The following EPAS1 variants were observed in gnomAD, a reference collection of about 807,000 sequenced individuals.
EPAS1 encodes endothelial PAS domain protein 1.
Under a neutral mutation model 87.9 loss-of-function variants are expected in EPAS1, and 23 were observed. The ratio of observed to expected loss-of-function variants is 0.26; its 90% CI spans 0.19 to 0.37. The LOEUF is 0.37. Among genes scored for constraint, EPAS1 ranks in the 10% least tolerant of loss-of-function variants. The probability of loss-of-function intolerance (pLI) is 1.00; values close to 1 mark genes in which losing one functional copy is unlikely to be tolerated. For synonymous variants in EPAS1, 508 were observed against 444.3 expected (o/e 1.14, Z -1.80); for missense variants, 1,138 against 1,120.7 (o/e 1.02, Z -0.22).
Position 46,375,380 on chromosome 2 carries a change from C to A in EPAS1, c.887-310C>A, listed in dbSNP as rs1235129344. Among the ~76,000 whole-genome samples the A allele has an allele frequency of 6.6e-6, 1 of 152,078 alleles. No homozygotes were observed. The highest frequency in any genetic ancestry group is 1.5e-5 in the Non-Finnish European group (1 of 68,012). On this transcript the variant is annotated intron_variant, in intron 7 of 15. Coordinates refer to ENST00000263734, the MANE Select transcript of EPAS1 (RefSeq NM_001430.5). The surrounding 1 kb of genome is among the most constrained non-coding windows in gnomAD (Gnocchi z 4.1). ...GCTTATAGCTGAGCTGGTCTGTGAGCCTGACTTGTCCAGGGATTGGTGATG... is the reference window on the plus strand; with the variant it reads ...GCTTATAGCTGAGCTGGTCTGTGAGACTGACTTGTCCAGGGATTGGTGATG...
At chr2:46,354,028 C>G (rs1684220179) in intron 2 of EPAS1, among the ~76,000 whole-genome samples, 1 of 152,232 alleles carries the variant, frequency 6.6e-6, no homozygotes, top group African/African-American at 2.4e-5. Context: ...TGAAAGATAG[C>G]TGGTCCCCTT....
At chr2:46,379,476 T>A (rs1164847901) in intron 11 of EPAS1, among the ~76,000 whole-genome samples, 1 of 152,188 alleles carries the variant, frequency 6.6e-6, no homozygotes, top group Non-Finnish European at 1.5e-5. Context: ...CCCTCCCTCC[T>A]CAGCACTCCT....
At chr2:46,340,749 A>T (rs1683895553) in intron 1 of EPAS1, among the ~76,000 whole-genome samples, 1 of 152,080 alleles carries the variant, frequency 6.6e-6, no homozygotes, top group African/African-American at 2.4e-5. Context: ...TTGCTTTGAG[A>T]TGGGTTCTCA....
chr2:46,376,732 G>C lies in EPAS1; in HGVS notation c.1228G>C (p.Ala410Pro), dbSNP rs539540390. ...CCAGCTGGCTCCCACCCCAGGAGACGCCATCATCTCTCTGGATTTCGGTGG... is the reference window on the plus strand; with the variant it reads ...CCAGCTGGCTCCCACCCCAGGAGACCCCATCATCTCTCTGGATTTCGGTGG... ...LAQLAPTPGD[A>P]IISLDFGNQN... Residue 410 changes from alanine (A) to proline (P), a missense_variant, in exon 9 of 16, where the codon GCC becomes CCC. By Grantham distance (27) the Ala-to-Pro change is conservative. Around this residue, in one of 4 missense-constraint regions of EPAS1, gnomAD observed 284 missense variants for 258.4 expected, o/e 1.10. Transcript: ENST00000263734. The C allele has an allele frequency of 1.2e-6, 2 of 1,612,590 alleles. No homozygotes were observed. The highest frequency in any genetic ancestry group is 3.3e-5 in the Admixed American group (2 of 60,018).
chr2:46,376,990 G>T (rs1180899852), intron 9 of EPAS1, among the ~76,000 whole-genome samples: 2 of 152,194 alleles, frequency 1.3e-5, no homozygotes, highest in Admixed American at 6.5e-5. Context: ...ACGAGGAGGG[G>T]TTAAGAGAGG....
rs546018656 is a variant in EPAS1 at position 46,371,977 on chromosome 2, G to A, written c.886+2044G>A. 2.6e-5 allele frequency among the ~76,000 whole-genome samples: 4 copies of A among 152,292 alleles called. No individual in the cohort carries two copies. ...GACTTCTGACTAGGCATATAGAAAG[G>A]ATTTTCCCTCTTGTTCTTCTTAGAA... On this transcript the variant is annotated intron_variant, in intron 7 of 15. Coordinates refer to ENST00000263734, the MANE Select transcript of EPAS1 (RefSeq NM_001430.5). The surrounding 1 kb of genome is among the most constrained non-coding windows in gnomAD (Gnocchi z 4.3).
At chr2:46,318,473 T>C (rs1683389340) in intron 1 of EPAS1, among the ~76,000 whole-genome samples, 1 of 152,228 alleles carries the variant, frequency 6.6e-6, no homozygotes, top group African/African-American at 2.4e-5. Context: ...CTTCAATTTG[T>C]AAAAAGTGCA....
intron 1 of EPAS1, among the ~76,000 whole-genome samples, chr2:46,343,814 A>C (rs191104838): frequency 2.0e-5 from 3 of 152,376 alleles, no homozygotes; most frequent in Admixed American, 2.0e-4. Flanking sequence ...TAGGAAGAGC[A>C]GGGTTCTAGC....
At chr2:46,329,061 G>A (rs1683619379) in intron 1 of EPAS1, among the ~76,000 whole-genome samples, 1 of 152,232 alleles carries the variant, frequency 6.6e-6, no homozygotes, top group Non-Finnish European at 1.5e-5. Context: ...GGATTATGCA[G>A]CAAAGAAAAA....
chr2:46,359,603 T>C (rs977675787), intron 4 of EPAS1, among the ~76,000 whole-genome samples: 1 of 152,230 alleles, frequency 6.6e-6, no homozygotes, highest in Admixed American at 6.5e-5. Context: ...GTTGAAGTTT[T>C]GTTCAAGGGT....
rs1684736881 is a variant in EPAS1 at position 46,375,961 on chromosome 2, A to C, written c.1034+124A>C. The C allele has an allele frequency of 1.6e-6, 2 of 1,283,716 alleles. No homozygotes were observed. The allele number at this position is 1,283,716 out of a possible 1,614,324, so 79.5% of individuals were successfully genotyped here. A position where few individuals can be genotyped will look rare whatever the true frequency, so the allele number is the denominator to read the frequency against. ...CAGCGCCCTGGGCACCACCTCAGGG[A>C]GGTCTTGCAGGGCTAACCCTAGTGA... On this transcript the variant is annotated intron_variant, in intron 8 of 15. Coordinates refer to ENST00000263734, the MANE Select transcript of EPAS1 (RefSeq NM_001430.5). The surrounding 1 kb of genome is among the most constrained non-coding windows in gnomAD (Gnocchi z 4.1).
intron 2 of EPAS1, among the ~76,000 whole-genome samples, chr2:46,354,978 T>C (rs1684241793): frequency 6.6e-6 from 1 of 152,210 alleles, no homozygotes; most frequent in Admixed American, 6.5e-5. Context: ...ATCTGTTTTT[T>C]CTAAGACTCT....
Position 46,297,633 on chromosome 2 carries a change from T to C in EPAS1, c.-279T>C, listed in dbSNP as rs1682906374. On this transcript the variant is annotated 5_prime_UTR_variant, in exon 1 of 16. Coordinates refer to ENST00000263734, the MANE Select transcript of EPAS1 (RefSeq NM_001430.5). ...AAAAAGGAACTTGGGTTCCCTTCTC[T>C]CCGTCCTCTTTTCGGGTCTGACAGC... The C allele has an allele frequency of 6.0e-6, 3 of 498,926 alleles. No homozygotes were observed. Among genetic ancestry groups the C allele is most frequent in the Non-Finnish European group, 1.1e-5 (3 of 278,290 alleles). 30.9% of individuals were successfully genotyped at this position (498,926 alleles called of 1,614,324 possible).
chr2:46,344,040 A>T (rs7594243), intron 1 of EPAS1, among the ~76,000 whole-genome samples: 9,597 of 152,292 alleles, frequency 0.063, 860 homozygotes, highest in African/African-American at 0.2. Context: ...TTATGTAGGC[A>T]TTGGCTTTGT....
At chr2:46,372,042 T>C (rs1684637796) in intron 7 of EPAS1, among the ~76,000 whole-genome samples, 1 of 152,232 alleles carries the variant, frequency 6.6e-6, no homozygotes, top group Admixed American at 6.5e-5. Context: ...AAAAATGGTT[T>C]ATGTTTTCTG....
At chr2:46,312,747 C>T (rs772951837) in intron 1 of EPAS1, among the ~76,000 whole-genome samples, 1 of 152,052 alleles carries the variant, frequency 6.6e-6, no homozygotes, top group Non-Finnish European at 1.5e-5. Context: ...TATTTTTGCC[C>T]ATACCCTGAG....
At chr2:46,381,267 T>C (rs539148664) in intron 12 of EPAS1, 4 of 402,982 alleles carry the variant, frequency 9.9e-6, no homozygotes, top group South Asian at 8.5e-5. Context: ...ACTTGCCCTT[T>C]ATAGAGCAGC....
chr2:46,363,135 G>C (rs1572639827), intron 6 of EPAS1, among the ~76,000 whole-genome samples: 1 of 152,132 alleles, frequency 6.6e-6, no homozygotes, highest in Admixed American at 6.5e-5. Flanking sequence ...TGAACATTCT[G>C]GGCAGAAGAC....
intron 13 of EPAS1, 41 bp from the exon 14 acceptor site, chr2:46,381,934 T>C (rs375604029): frequency 8.2e-7 from 1 of 1,213,910 alleles, no homozygotes; most frequent in Non-Finnish European, 1.2e-6. Context: ...GACCTGGTTC[T>C]CTGGCCATTT....
Sources: gnomAD v4.1 joint callset for allele counts (sites outside exome capture counted in the v4.1 genomes callset) on GRCh38, gnomAD v4.1.1 for gene constraint, gnomAD v4.1.1 regional missense constraint, Gnocchi (gnomAD v3.1) non-coding constraint, MANE v1.5 for transcripts, NCBI Gene and HGNC (gene_info 2026-07-23, HGNC 2026-07-21) for gene names.